Variants in ATP9B observed in about 807,000 individuals in gnomAD.
ATP9B encodes the protein ATPase phospholipid transporting 9B.
In ATP9B, 110 loss-of-function variants were observed where a neutral mutation model predicts 146.1. That is an observed-to-expected ratio of 0.75 (90% confidence interval 0.65 to 0.88). The LOEUF (loss-of-function observed/expected upper bound fraction) is 0.88, where lower values mean the gene tolerates loss of function less well. Among genes scored for constraint, ATP9B ranks in the 40% least tolerant of loss-of-function variants. The pLI, the probability that ATP9B is intolerant of heterozygous loss-of-function variation, is 0.00. For synonymous variants in ATP9B, 604 were observed against 569.7 expected, an observed-to-expected ratio of 1.06 and a Z score of -0.86; for missense variants, 1,499 against 1,496.4, an observed-to-expected ratio of 1.00 and a Z score of -0.03.
intron 6 of ATP9B, among the ~76,000 whole-genome samples, chr18:79,147,270 C>T (rs186509686): frequency 3.9e-4 from 60 of 152,330 alleles, no homozygotes; most frequent in Admixed American, 6.5e-4. Context: ...TTCAGCACCA[C>T]CCTTCAGGCA....
At chr18:79,212,262 A>G (rs1318136278) in intron 10 of ATP9B, among the ~76,000 whole-genome samples, 1 of 152,250 alleles carries the variant, frequency 6.6e-6, no homozygotes, top group East Asian at 1.9e-4. Context: ...ATGAGAATCA[A>G]GTGAGAGAAT....
chr18:79,248,941 G>A lies in ATP9B; in HGVS notation c.1108-4440G>A, dbSNP rs937414707. On this transcript the variant is annotated intron_variant, in intron 11 of 29. Coordinates refer to ENST00000426216, the MANE Select transcript of ATP9B (RefSeq NM_198531.5). ...TAGGGCCTGAGACTTTACAGCATTC[G>A]ACGTCTGCTCCAATTTGCCGTGTAC... 6.6e-5 allele frequency among the ~76,000 whole-genome samples: 10 copies of A among 152,232 alleles called. No individual in the cohort carries two copies. In the South Asian group the frequency reaches 1.5e-3, roughly 22 times the overall value.
chr18:79,196,597 A>G (rs1238096573), intron 9 of ATP9B, among the ~76,000 whole-genome samples: 1 of 152,228 alleles, frequency 6.6e-6, no homozygotes, highest in African/African-American at 2.4e-5. Flanking sequence ...CTACTGGGAC[A>G]GTGGCAAAAT....
chr18:79,275,729 TGTCATCTTGCAGGGGAGCTTTGA>T (rs1360601179), intron 12 of ATP9B, among the ~76,000 whole-genome samples: 1 of 152,198 alleles, frequency 6.6e-6, no homozygotes, highest in Non-Finnish European at 1.5e-5. Flanking sequence ...CGGCCTTGAG[TGTCATCTTGCAGGGGAGCTTTGA>T]GTCATCTTCG....
At chr18:79,352,348 G>A (rs1320303503) in intron 25 of ATP9B, 4 of 152,202 alleles carry the variant, frequency 2.6e-5, no homozygotes, top group Admixed American at 2.0e-4. Flanking sequence ...GGTCCCTCGG[G>A]GAGCCGTGTC....
chr18:79,356,823 CTG>C (rs2096956838), intron 25 of ATP9B, among the ~76,000 whole-genome samples: 1 of 136,310 alleles, frequency 7.3e-6, no homozygotes, highest in East Asian at 2.4e-4. Context: ...CTGGAGGTGT[CTG>C]TGTGAGGGAT....
intron 7 of ATP9B, among the ~76,000 whole-genome samples, chr18:79,167,933 C>T (rs1600115133): frequency 6.6e-6 from 1 of 152,184 alleles, no homozygotes. Flanking sequence ...AGGCCTGCCC[C>T]GAGCCACCCT....
At chr18:79,370,918 GAATAAAAT>G (rs2097065647) in intron 26 of ATP9B, among the ~76,000 whole-genome samples, 4 of 152,114 alleles carry the variant, frequency 2.6e-5, no homozygotes, top group Non-Finnish European at 5.9e-5. Context: ...TACAGTTTTT[GAATAAAAT>G]GAGCCACATA....
At chr18:79,346,544 G>A (rs1020064872) in intron 23 of ATP9B, among the ~76,000 whole-genome samples, 2 of 91,862 alleles carry the variant, frequency 2.2e-5, no homozygotes, top group Non-Finnish European at 4.5e-5. Flanking sequence ...GCACACACTC[G>A]GCACACACTC....
intron 1 of ATP9B, among the ~76,000 whole-genome samples, chr18:79,072,249 T>A (rs546728136): frequency 1.3e-5 from 2 of 152,252 alleles, no homozygotes; most frequent in East Asian, 3.9e-4. Context: ...GGTCAGCAGA[T>A]AAACATGTGA....
At chr18:79,208,879 A>T (rs1329756822) in intron 10 of ATP9B, among the ~76,000 whole-genome samples, 1 of 152,138 alleles carries the variant, frequency 6.6e-6, no homozygotes, top group Non-Finnish European at 1.5e-5. Flanking sequence ...CTCGAGAGGG[A>T]CCTCATGCCA....
At chr18:79,111,077 TG>T (rs2075976234) in intron 3 of ATP9B, among the ~76,000 whole-genome samples, 1 of 152,244 alleles carries the variant, frequency 6.6e-6, no homozygotes, top group South Asian at 2.1e-4. Context: ...ATTTAAATAC[TG>T]TAGTTTAAAT....
At chr18:79,186,218 G>A (rs1237415451) in intron 8 of ATP9B, among the ~76,000 whole-genome samples, 1 of 152,136 alleles carries the variant, frequency 6.6e-6, no homozygotes. Context: ...TTTATTGAAC[G>A]AAAGGCAATT....
intron 4 of ATP9B, among the ~76,000 whole-genome samples, chr18:79,113,568 G>A (rs1457898570): frequency 6.6e-6 from 1 of 152,200 alleles, no homozygotes; most frequent in Non-Finnish European, 1.5e-5. Context: ...AGCTGCCAAA[G>A]TTACAAAGTG....
At chr18:79,114,144 G>T (rs1050713872) in intron 4 of ATP9B, among the ~76,000 whole-genome samples, 2 of 152,110 alleles carry the variant, frequency 1.3e-5, no homozygotes, top group African/African-American at 4.8e-5. Flanking sequence ...GGTTTTAGTA[G>T]AGACGGCGTT....
At chr18:79,218,104 G>A (rs905273487) in intron 11 of ATP9B, among the ~76,000 whole-genome samples, 12 of 152,230 alleles carry the variant, frequency 7.9e-5, no homozygotes, top group East Asian at 1.9e-4. Context: ...CTTCCCCAGC[G>A]TTGTGTTTCT....
At chr18:79,338,533 T>G (rs368804446) in intron 19 of ATP9B, among the ~76,000 whole-genome samples, 2 of 152,316 alleles carry the variant, frequency 1.3e-5, no homozygotes, top group East Asian at 3.9e-4. Flanking sequence ...ATGGTGTCCG[T>G]GAAATTCGAG....
intron 2 of ATP9B, among the ~76,000 whole-genome samples, chr18:79,103,490 A>G (rs911422360): frequency 1.3e-5 from 2 of 152,088 alleles, no homozygotes; most frequent in African/African-American, 4.8e-5. Flanking sequence ...AAGAATAAGG[A>G]GGTGACACCT....
chr18:79,238,554 T>G (rs983248489), intron 11 of ATP9B, among the ~76,000 whole-genome samples: 3 of 152,148 alleles, frequency 2.0e-5, no homozygotes, highest in Non-Finnish European at 2.9e-5. Flanking sequence ...GTGATGGCTC[T>G]TAAGGTGGTC....
Sources: gnomAD v4.1 joint callset for allele counts (sites outside exome capture counted in the v4.1 genomes callset) on GRCh38, gnomAD v4.1.1 for gene constraint, MANE v1.5 for transcripts, NCBI Gene and HGNC (gene_info 2026-07-23, HGNC 2026-07-21) for gene names.